The following WASF3 variants were observed in gnomAD, a reference collection of about 807,000 sequenced individuals.
WASF3 encodes the protein actin-binding protein WASF3.
WASF3 carries 11 observed loss-of-function variants against 46.6 expected under a neutral mutation model. The observed-to-expected ratio is 0.24, with a 90% CI of 0.15 to 0.39. The LOEUF is 0.39. WASF3 is among the 10% of genes least tolerant of loss of function. The pLI is 1.00. For missense variants in WASF3, 576 were observed against 669.8 expected (o/e 0.86, Z 1.55); for synonymous variants, 242 against 259.7 (o/e 0.93, Z 0.65).
intron 5 of WASF3, among the ~76,000 whole-genome samples, chr13:26,669,338 A>T (rs1432168391): frequency 6.7e-6 from 1 of 148,972 alleles, no homozygotes; most frequent in African/African-American, 2.5e-5. Flanking sequence ...CAGCCTCCTG[A>T]TATCTTTGAC....
chr13:26,623,834 T>C (rs985119417), intron 2 of WASF3, among the ~76,000 whole-genome samples: 1 of 152,100 alleles, frequency 6.6e-6, no homozygotes, highest in African/African-American at 2.4e-5. Context: ...GTCAAGGAAC[T>C]ACAGGATGAT....
At chr13:26,642,112 CTGTT>C (rs766656097) in intron 2 of WASF3, 145 bp from the exon 3 acceptor site, 3 of 723,000 alleles carry the variant, frequency 4.1e-6, no homozygotes, top group East Asian at 3.0e-5. Context: ...AAGTAATTCA[CTGTT>C]TGTTGCATTT....
chr13:26,650,152 A>AT lies in WASF3; in HGVS notation c.133+7753dup, dbSNP rs202001089. Among the ~76,000 whole-genome samples the AT allele has an allele frequency of 5.6e-3, 858 of 152,246 alleles. 10 individuals carry two copies. Among genetic ancestry groups the AT allele is most frequent in the African/African-American group, 0.02 (817 of 41,548 alleles). On this transcript the variant is annotated intron_variant, in intron 3 of 9. Coordinates refer to ENST00000335327, the MANE Select transcript of WASF3 (RefSeq NM_006646.6). ...TTTCAACAGAGCCTAACAGACTGAG[A>AT]TTTTACCAGAGCTTAACAGACCTGG... is the stretch of plus-strand genomic sequence containing the variant.
intron 1 of WASF3, among the ~76,000 whole-genome samples, chr13:26,601,808 G>A (rs541454665): frequency 6.6e-6 from 1 of 152,218 alleles, no homozygotes; most frequent in South Asian, 2.1e-4. Flanking sequence ...TTTGGAGACA[G>A]ATCAGTGCTG....
chr13:26,653,475 C>A (rs1882376316), intron 3 of WASF3, among the ~76,000 whole-genome samples: 1 of 152,230 alleles, frequency 6.6e-6, no homozygotes, highest in Non-Finnish European at 1.5e-5. Context: ...TGAAACTGTG[C>A]TTATTGGCAT....
chr13:26,552,668 T>C, the WASF3 span, among the ~76,000 whole-genome samples: 1 of 152,248 alleles, frequency 6.6e-6, no homozygotes, highest in African/African-American at 2.4e-5. Context: ...ACAGTTATTA[T>C]GCTTTTAAAA....
chr13:26,542,050 T>C, the WASF3 span, among the ~76,000 whole-genome samples: 1 of 152,202 alleles, frequency 6.6e-6, no homozygotes, highest in Non-Finnish European at 1.5e-5. Flanking sequence ...AATTGCATAG[T>C]TTGAACATGA....
intron 7 of WASF3, among the ~76,000 whole-genome samples, chr13:26,680,506 CT>C (rs1220421055): frequency 6.6e-6 from 1 of 152,180 alleles, no homozygotes; most frequent in African/African-American, 2.4e-5. Flanking sequence ...GAAAGAAGGC[CT>C]TTCCATAGTG....
intron 3 of WASF3, among the ~76,000 whole-genome samples, chr13:26,664,246 G>T (rs1450719809): frequency 1.3e-5 from 2 of 152,320 alleles, no homozygotes; most frequent in Non-Finnish European, 2.9e-5. Context: ...AAAAAGAAGT[G>T]GTAGGTATGT....
At chr13:26,566,052 C>T (rs1008919705) in intron 1 of WASF3, among the ~76,000 whole-genome samples, 1 of 152,164 alleles carries the variant, frequency 6.6e-6, no homozygotes, top group Non-Finnish European at 1.5e-5. Context: ...GTTACTTTTT[C>T]TTGCCACACA....
At chr13:26,621,314 A>G (rs1881299257) in intron 2 of WASF3, among the ~76,000 whole-genome samples, 1 of 152,188 alleles carries the variant, frequency 6.6e-6, no homozygotes, top group South Asian at 2.1e-4. Flanking sequence ...AAGCATCATG[A>G]AAACACACTG....
At chr13:26,580,921 A>C (rs1478776739) in intron 1 of WASF3, among the ~76,000 whole-genome samples, 1 of 140,464 alleles carries the variant, frequency 7.1e-6, no homozygotes. Flanking sequence ...CACTGCACCC[A>C]GCATAAATTT....
At chr13:26,685,574 CT>C in intron 9 of WASF3, 113 bp from the exon 10 acceptor site, 1 of 1,299,978 alleles carries the variant, frequency 7.7e-7, no homozygotes, top group South Asian at 1.7e-5. Context: ...ATTTCTAAAA[CT>C]TTCTGTCCTT....
In WASF3 at chr13:26,687,723, C is replaced by CTCTCTTT. The variant is rs1555257029; in HGVS notation, c.*1879_*1880insCTCTTTT. 1 of 139,078 alleles carries CTCTCTTT rather than the reference C, an allele frequency of 7.2e-6. No individual in the cohort carries two copies. The highest frequency in any genetic ancestry group is 2.7e-5 in the African/African-American group (1 of 37,616). The allele number at this position is 139,078 out of a possible 1,614,324, so 8.6% of individuals were successfully genotyped here. ...AAATTTCTAATTTCTCTCTCTCTCT[C>CTCTCTTT]TTTTTTTTTTTTTTGTTGTTGTTAA... On this transcript the variant is annotated 3_prime_UTR_variant, in exon 10 of 10. Coordinates refer to ENST00000335327, the MANE Select transcript of WASF3 (RefSeq NM_006646.6).
At chr13:26,544,556 A>G in the WASF3 span, among the ~76,000 whole-genome samples, 2 of 152,250 alleles carry the variant, frequency 1.3e-5, no homozygotes, top group African/African-American at 4.8e-5. Context: ...CCCAAGAGTG[A>G]CTACTAAGAA....
the WASF3 span, among the ~76,000 whole-genome samples, chr13:26,551,446 ATCATGAAAACTCAT>A: frequency 1.1e-4 from 17 of 152,212 alleles, no homozygotes; most frequent in African/African-American, 4.1e-4. Context: ...TTCCAATGAC[ATCATGAAAACTCAT>A]TCAACAAATA....
chr13:26,603,784 A>G (rs556377998), intron 1 of WASF3, among the ~76,000 whole-genome samples: 1 of 152,366 alleles, frequency 6.6e-6, no homozygotes, highest in South Asian at 2.1e-4. Context: ...GCCAAAGCTA[A>G]GGGTAATGCC....
At chr13:26,566,529 A>T (rs1249439731) in intron 1 of WASF3, among the ~76,000 whole-genome samples, 1 of 152,236 alleles carries the variant, frequency 6.6e-6, no homozygotes, top group African/African-American at 2.4e-5. Flanking sequence ...TCAGAGCAAG[A>T]AGCATCTGTT....
chr13:26,662,995 G>A (rs34596906), intron 3 of WASF3, among the ~76,000 whole-genome samples: 48,703 of 152,084 alleles, frequency 0.32, 9,075 homozygotes, highest in Non-Finnish European at 0.42. Flanking sequence ...TTTGGCAGCA[G>A]TGTGATGCAT....
Sources: gnomAD v4.1 joint callset for allele counts (sites outside exome capture counted in the v4.1 genomes callset) on GRCh38, gnomAD v4.1.1 for gene constraint, MANE v1.5 for transcripts, NCBI Gene and HGNC (gene_info 2026-07-23, HGNC 2026-07-21) for gene names.